PEPD: variants seen among roughly 807,000 people sequenced by gnomAD.
The protein encoded by PEPD is peptidase D, also known as xaa-Pro dipeptidase.
A neutral mutation model predicts 60.7 loss-of-function variants in PEPD; 53 were observed. That is an observed-to-expected ratio of 0.87 (90% CI 0.70 to 1.10). The LOEUF (loss-of-function observed/expected upper bound fraction) is 1.10, where lower values mean the gene tolerates loss of function less well. Among genes scored for constraint, PEPD ranks in the 50% least tolerant of loss-of-function variants. PEPD has a pLI of 0.00. For missense variants in PEPD, 711 were observed against 711.9 expected (o/e 1.00, Z 0.01); for synonymous variants, 267 against 284.1 (o/e 0.94, Z 0.60).
chr19:33,502,679 C>G (rs1335277276), intron 3 of PEPD, among the ~76,000 whole-genome samples: 1 of 152,078 alleles, frequency 6.6e-6, no homozygotes, highest in East Asian at 1.9e-4. Context: ...AGACTGATGG[C>G]AGGCCACCAC....
chr19:33,426,610 T>G (rs1969155601), intron 9 of PEPD, among the ~76,000 whole-genome samples: 2 of 152,198 alleles, frequency 1.3e-5, no homozygotes, highest in Admixed American at 1.3e-4. Flanking sequence ...CCACTCTCGG[T>G]ACTGTGAGCA....
At chr19:33,509,939 G>A (rs1351037985) in intron 3 of PEPD, among the ~76,000 whole-genome samples, 2 of 152,218 alleles carry the variant, frequency 1.3e-5, no homozygotes, top group Non-Finnish European at 2.9e-5. Flanking sequence ...AGCCGGGAGG[G>A]CAGGACCTGC....
intron 4 of PEPD, among the ~76,000 whole-genome samples, chr19:33,496,109 G>A (rs1241806216): frequency 2.6e-5 from 4 of 152,212 alleles, no homozygotes; most frequent in African/African-American, 9.6e-5. Flanking sequence ...TAGGTGTGTT[G>A]TTACGTTGAT....
Position 33,444,681 on chromosome 19 carries a change from C to T in PEPD, c.671+18314G>A, listed in dbSNP as rs573354008. 7.9e-5 allele frequency among the ~76,000 whole-genome samples: 12 copies of T among 151,528 alleles called. No individual in the cohort carries two copies. In the South Asian group the frequency reaches 1.5e-3, roughly 19 times the overall value. ...TCACTGTCCTCCCCACAGCCACCTC[C>T]GTCCACTCACCCCCCAAAGCCAAGC... On this transcript the variant is annotated intron_variant, in intron 9 of 14. Transcript: ENST00000244137.
chr19:33,429,513 G>C (rs1481301953), intron 9 of PEPD, among the ~76,000 whole-genome samples: 1 of 152,210 alleles, frequency 6.6e-6, no homozygotes, highest in East Asian at 1.9e-4. Flanking sequence ...TGGATACACA[G>C]ATATCTATTA....
intron 7 of PEPD, among the ~76,000 whole-genome samples, chr19:33,475,348 G>A (rs575957315): frequency 2.0e-3 from 297 of 151,744 alleles, no homozygotes; most frequent in African/African-American, 6.8e-3. Flanking sequence ...TAAAGGACCC[G>A]CCCGCTGCCC....
At chr19:33,454,348 T>C (rs1270861575) in intron 9 of PEPD, among the ~76,000 whole-genome samples, 1 of 152,140 alleles carries the variant, frequency 6.6e-6, no homozygotes, top group Non-Finnish European at 1.5e-5. Context: ...ACACCTGTAA[T>C]CCCAGCACTT....
At chr19:33,401,184 G>C (rs944347234) in intron 12 of PEPD, among the ~76,000 whole-genome samples, 1 of 152,356 alleles carries the variant, frequency 6.6e-6, no homozygotes, top group South Asian at 2.1e-4. Context: ...GGTGGTGACT[G>C]TGACCCCTGC....
intron 9 of PEPD, among the ~76,000 whole-genome samples, chr19:33,424,077 T>C (rs879650375): frequency 6.6e-5 from 10 of 152,202 alleles, no homozygotes; most frequent in Non-Finnish European, 8.8e-5. Context: ...ATAAGGGTGG[T>C]TGGGGGCTGC....
At chr19:33,497,467 C>T (rs150428487) in intron 4 of PEPD, among the ~76,000 whole-genome samples, 64 of 152,384 alleles carry the variant, frequency 4.2e-4, no homozygotes, top group Non-Finnish European at 8.4e-4. Flanking sequence ...GGGGAACTGC[C>T]TTCTCAATAA....
At position 33,396,266 on chromosome 19, in the gene PEPD, T is replaced by G. The variant is rs1323211218; in HGVS notation, c.968-4787A>C. 2.6e-5 allele frequency: 4 copies of G among 152,426 alleles called. No individual in the cohort carries two copies. In the East Asian group the frequency reaches 7.7e-4, roughly 29 times the overall value. The allele number at this position is 152,426 out of a possible 1,614,324, so 9.4% of individuals were successfully genotyped here. ...GATGAGGACTGACAGGAAGTCTAGC[T>G]GCTGGGCCCCTGCCCCTGGCGCTGG... On this transcript the variant is annotated intron_variant, in intron 12 of 14. Transcript: ENST00000244137.
intron 6 of PEPD, among the ~76,000 whole-genome samples, chr19:33,484,100 C>T (rs909063085): frequency 6.6e-6 from 1 of 152,240 alleles, no homozygotes; most frequent in Non-Finnish European, 1.5e-5. Flanking sequence ...TTTCAGGATC[C>T]TTAACTATAC....
At chr19:33,481,864 A>T (rs1970318535) in intron 6 of PEPD, among the ~76,000 whole-genome samples, 1 of 151,656 alleles carries the variant, frequency 6.6e-6, no homozygotes, top group Non-Finnish European at 1.5e-5. Context: ...TACTAAAAAT[A>T]AAAAAAATTA....
intron 9 of PEPD, among the ~76,000 whole-genome samples, chr19:33,428,420 G>C (rs1969198210): frequency 1.3e-5 from 2 of 152,074 alleles, no homozygotes; most frequent in African/African-American, 4.8e-5. Flanking sequence ...TCAACCACCT[G>C]CCAGTCTTTA....
At chr19:33,516,765 C>T (rs940021485) in intron 1 of PEPD, among the ~76,000 whole-genome samples, 1 of 152,182 alleles carries the variant, frequency 6.6e-6, no homozygotes, top group Non-Finnish European at 1.5e-5. Flanking sequence ...TTTACATTTT[C>T]TTCAGTTATT....
intron 5 of PEPD, among the ~76,000 whole-genome samples, chr19:33,492,753 G>A (rs1482370246): frequency 1.3e-5 from 2 of 151,854 alleles, no homozygotes; most frequent in African/African-American, 4.8e-5. Flanking sequence ...TGGGTGTGGC[G>A]CCAGGCCCAC....
intron 9 of PEPD, among the ~76,000 whole-genome samples, chr19:33,439,705 C>T (rs1050537564): frequency 1.2e-4 from 18 of 152,222 alleles, no homozygotes; most frequent in African/African-American, 4.3e-4. Flanking sequence ...CACAGCCCAG[C>T]ACCGTCCTGA....
intron 7 of PEPD, among the ~76,000 whole-genome samples, chr19:33,474,445 G>A (rs537011851): frequency 6.6e-6 from 1 of 152,334 alleles, no homozygotes; most frequent in South Asian, 2.1e-4. Context: ...TGTACACATG[G>A]AGTCTCAACA....
intron 12 of PEPD, among the ~76,000 whole-genome samples, chr19:33,398,116 C>T (rs1025421265): frequency 2.0e-5 from 3 of 152,216 alleles, no homozygotes; most frequent in African/African-American, 4.8e-5. Flanking sequence ...GGCCTTGGCC[C>T]CTATGCTGCG....
Sources: allele counts gnomAD v4.1 joint callset (sites outside exome capture counted in the v4.1 genomes callset), GRCh38; gene constraint gnomAD v4.1.1; transcripts MANE v1.5; gene names NCBI Gene and HGNC (gene_info 2026-07-23, HGNC 2026-07-21).